The following PALLD variants were observed in gnomAD, a reference collection of about 807,000 sequenced individuals.
PALLD encodes the protein palladin, cytoskeletal associated protein.
In PALLD, 61 loss-of-function variants were observed where a neutral mutation model predicts 123.5. That is an observed-to-expected ratio of 0.49 (90% CI 0.40 to 0.61). The LOEUF is 0.61. PALLD is among the 20% of genes least tolerant of loss of function. The probability of loss-of-function intolerance (pLI) is 0.00; values close to 1 mark genes in which losing one functional copy is unlikely to be tolerated. For synonymous variants in PALLD, 465 were observed against 496.4 expected (o/e 0.94, Z 0.84); for missense variants, 1,273 against 1,377.0 (o/e 0.92, Z 1.20).
At chr4:168,710,267 A>G (rs1784706002) in intron 9 of PALLD, among the ~76,000 whole-genome samples, 1 of 147,764 alleles carries the variant, frequency 6.8e-6, no homozygotes, top group Non-Finnish European at 1.5e-5. Flanking sequence ...AATATGAAAC[A>G]GCTTTTTTTC....
At chr4:168,538,991 C>T (rs1434739336) in intron 2 of PALLD, among the ~76,000 whole-genome samples, 1 of 152,078 alleles carries the variant, frequency 6.6e-6, no homozygotes, top group African/African-American at 2.4e-5. Context: ...ATCTTATGGG[C>T]GTGAAAAACA....
chr4:168,649,868 C>T (rs1047828794), intron 2 of PALLD, among the ~76,000 whole-genome samples: 1 of 152,158 alleles, frequency 6.6e-6, no homozygotes, highest in African/African-American at 2.4e-5. Context: ...CTCTTTTGTA[C>T]ATTTTAATAA....
At chr4:168,814,665 G>C (rs28705062) in intron 10 of PALLD, among the ~76,000 whole-genome samples, 9,193 of 152,254 alleles carry the variant, frequency 0.06, 374 homozygotes, top group South Asian at 0.17. Flanking sequence ...TGATGCTTCT[G>C]AAGACACTGG....
intron 10 of PALLD, among the ~76,000 whole-genome samples, chr4:168,887,715 G>A (rs1056343740): frequency 2.6e-5 from 4 of 152,214 alleles, no homozygotes; most frequent in Admixed American, 6.5e-5. Context: ...GTAGTGAAAT[G>A]CAGAGAACTT....
At chr4:168,757,691 G>A (rs1018248687) in intron 10 of PALLD, among the ~76,000 whole-genome samples, 2 of 152,192 alleles carry the variant, frequency 1.3e-5, no homozygotes, top group Non-Finnish European at 2.9e-5. Context: ...GTAGCTGGGC[G>A]GCATGATGAC....
chr4:168,499,878 C>T (rs1353474702), intron 1 of PALLD, among the ~76,000 whole-genome samples: 2 of 148,214 alleles, frequency 1.3e-5, no homozygotes, highest in African/African-American at 5.1e-5. Flanking sequence ...CTTTTTCTTT[C>T]AAAATTGTAG....
intron 10 of PALLD, among the ~76,000 whole-genome samples, chr4:168,724,115 G>C (rs1441762104): frequency 3.3e-5 from 5 of 152,082 alleles, no homozygotes; most frequent in Admixed American, 2.6e-4. Context: ...GGATGGTCTT[G>C]ATCTCTTGAC....
intron 2 of PALLD, among the ~76,000 whole-genome samples, chr4:168,518,837 A>G (rs958108580): frequency 2.0e-4 from 30 of 152,018 alleles, no homozygotes; most frequent in Non-Finnish European, 7.4e-5. Flanking sequence ...TATCTGTTTT[A>G]CTCACTTTTG....
intron 10 of PALLD, among the ~76,000 whole-genome samples, chr4:168,767,271 G>T (rs898450575): frequency 2.0e-5 from 3 of 152,132 alleles, no homozygotes; most frequent in Non-Finnish European, 4.4e-5. Flanking sequence ...TGTGCCTGTG[G>T]TTGGGTACAG....
At chr4:168,833,104 T>C (rs1386656207) in intron 10 of PALLD, among the ~76,000 whole-genome samples, 2 of 152,108 alleles carry the variant, frequency 1.3e-5, no homozygotes, top group Non-Finnish European at 2.9e-5. Context: ...CCCGCCCGTT[T>C]GTCTCATTTT....
At chr4:168,909,397 G>T (rs902206581) in intron 15 of PALLD, among the ~76,000 whole-genome samples, 3 of 152,120 alleles carry the variant, frequency 2.0e-5, no homozygotes, top group Non-Finnish European at 4.4e-5. Context: ...CTTGCACAAG[G>T]TATGAAATAA....
chr4:168,614,318 A>C (rs1774013180), intron 2 of PALLD, among the ~76,000 whole-genome samples: 1 of 152,248 alleles, frequency 6.6e-6, no homozygotes, highest in Non-Finnish European at 1.5e-5. Context: ...GGCCTATGTC[A>C]GTGACCATGC....
intron 2 of PALLD, among the ~76,000 whole-genome samples, chr4:168,632,621 G>GAC (rs1255548528): frequency 8.5e-5 from 13 of 152,148 alleles, no homozygotes; most frequent in Non-Finnish European, 1.3e-4. Context: ...TCAGTTGGCG[G>GAC]TGGTTCTTAG....
chr4:168,661,597 C>G (rs1197858892), intron 2 of PALLD, among the ~76,000 whole-genome samples: 1 of 152,214 alleles, frequency 6.6e-6, no homozygotes, highest in East Asian at 1.9e-4. Flanking sequence ...GGGGCATGTA[C>G]CATGCCCACT....
At chr4:168,626,800 C>T (rs1775343235) in intron 2 of PALLD, among the ~76,000 whole-genome samples, 1 of 151,452 alleles carries the variant, frequency 6.6e-6, no homozygotes, top group Admixed American at 6.6e-5. Context: ...CTGCCACATG[C>T]CACAATATGG....
chr4:168,529,256 G>A (rs1191748992), intron 2 of PALLD, among the ~76,000 whole-genome samples: 2 of 151,924 alleles, frequency 1.3e-5, no homozygotes, highest in Non-Finnish European at 2.9e-5. Flanking sequence ...AGAATTGCTT[G>A]AAACCAGGAG....
Position 168,545,930 on chromosome 4 carries a change from A to G in PALLD, c.908+33518A>G, listed in dbSNP as rs187112291. 3.0e-3 allele frequency among the ~76,000 whole-genome samples: 462 copies of G among 152,332 alleles called. 2 individuals are homozygous for G. The highest frequency in any genetic ancestry group is 0.01 in the African/African-American group (435 of 41,584). The stretch of plus-strand genomic sequence containing the variant: ...AGTTCATGATTTTAAATTACTTAAA[A>G]TAAGTGCTAGGAAGCTCCCATTTTC... On this transcript the variant is annotated intron_variant, in intron 2 of 21. Coordinates refer to ENST00000505667, the MANE Select transcript of PALLD (RefSeq NM_001166108.2).
chr4:168,508,495 T>C (rs932170570), intron 1 of PALLD, among the ~76,000 whole-genome samples: 2 of 152,168 alleles, frequency 1.3e-5, no homozygotes, highest in Non-Finnish European at 2.9e-5. Flanking sequence ...CAGCTTAGGC[T>C]TCACAATTTC....
At chr4:168,741,706 A>T (rs1005709081) in intron 10 of PALLD, among the ~76,000 whole-genome samples, 1 of 152,136 alleles carries the variant, frequency 6.6e-6, no homozygotes, top group African/African-American at 2.4e-5. Context: ...CAAACAAAAA[A>T]GAATGGTTGG....
Sources: allele counts gnomAD v4.1 joint callset (sites outside exome capture counted in the v4.1 genomes callset), GRCh38; gene constraint gnomAD v4.1.1; transcripts MANE v1.5; gene names NCBI Gene and HGNC (gene_info 2026-07-23, HGNC 2026-07-21).